The following LGR4 variants were observed in gnomAD, a reference collection of about 807,000 sequenced individuals.
The protein encoded by LGR4 is leucine-rich repeat-containing G protein-coupled receptor 4.
LGR4 carries 44 observed loss-of-function variants against 84.8 expected under a neutral mutation model. The ratio of observed to expected loss-of-function variants is 0.52; its 90% CI spans 0.41 to 0.67. The LOEUF is 0.67. Among genes scored for constraint, LGR4 ranks in the 30% least tolerant of loss-of-function variants. LGR4 has a pLI of 0.00. For synonymous variants in LGR4, 429 were observed against 434.3 expected (o/e 0.99, Z 0.15); for missense variants, 1,032 against 1,131.4 (o/e 0.91, Z 1.26).
At chr11:27,375,507 T>C (rs1013719067) in intron 13 of LGR4, among the ~76,000 whole-genome samples, 14 of 152,158 alleles carry the variant, frequency 9.2e-5, no homozygotes, top group Non-Finnish European at 1.3e-4. Context: ...ATGAACTCTA[T>C]TTGTCATGAT....
At chr11:27,381,180 A>G (rs77704584) in intron 7 of LGR4, among the ~76,000 whole-genome samples, 5,977 of 152,236 alleles carry the variant, frequency 0.039, 153 homozygotes, top group Middle Eastern at 0.082. Context: ...CTTGGTATCT[A>G]TCAGATCCCT....
At chr11:27,380,484 C>T in intron 9 of LGR4, 145 bp from the exon 10 acceptor site, 1 of 723,614 alleles carries the variant, frequency 1.4e-6, no homozygotes, top group Non-Finnish European at 2.3e-6. Context: ...GATAATGTGG[C>T]AAAGTATTCA....
chr11:27,408,286 C>T (rs1054800352), intron 2 of LGR4, among the ~76,000 whole-genome samples: 1 of 152,110 alleles, frequency 6.6e-6, no homozygotes, highest in Non-Finnish European at 1.5e-5. Context: ...AACAAAATGA[C>T]AGGTAATCTT....
chr11:27,392,286 G>A (rs976807242), intron 3 of LGR4, among the ~76,000 whole-genome samples, 161 bp downstream of exon 3: 12 of 152,042 alleles, frequency 7.9e-5, no homozygotes, highest in African/African-American at 2.9e-4. Flanking sequence ...ATGCAGGGTT[G>A]CCTAAATCAA....
intron 2 of LGR4, among the ~76,000 whole-genome samples, chr11:27,395,458 A>G (rs954529196): frequency 6.6e-6 from 1 of 152,196 alleles, no homozygotes; most frequent in Non-Finnish European, 1.5e-5. Flanking sequence ...ATTAGCCAAA[A>G]TATTTGCTTC....
intron 1 of LGR4, among the ~76,000 whole-genome samples, chr11:27,454,518 G>A (rs1864537933): frequency 1.3e-5 from 2 of 152,268 alleles, no homozygotes; most frequent in South Asian, 4.1e-4. Context: ...CCAGCACTTT[G>A]GGAGGCCAAG....
chr11:27,419,215 CAAT>C (rs1863877927), intron 1 of LGR4, among the ~76,000 whole-genome samples: 1 of 151,874 alleles, frequency 6.6e-6, no homozygotes, highest in Non-Finnish European at 1.5e-5. Context: ...CTCTTATAAT[CAAT>C]AATAAGAAAA....
intron 1 of LGR4, among the ~76,000 whole-genome samples, chr11:27,426,025 T>C (rs979612408): frequency 6.6e-6 from 1 of 152,218 alleles, no homozygotes; most frequent in Non-Finnish European, 1.5e-5. Flanking sequence ...TGCCAGACAT[T>C]GCATTAAATG....
intron 17 of LGR4, among the ~76,000 whole-genome samples, chr11:27,369,545 A>G (rs1406206576): frequency 1.3e-5 from 2 of 152,170 alleles, no homozygotes; most frequent in Non-Finnish European, 2.9e-5. Flanking sequence ...TAAGAAAGCA[A>G]CTTAAAATTG....
Position 27,366,673 on chromosome 11 carries a change from T to A in LGR4, c.*1194A>T, listed in dbSNP as rs1862771141. 1 of 152,548 alleles carries A rather than the reference T, an allele frequency of 6.6e-6. No homozygotes were observed. Among genetic ancestry groups the A allele is most frequent in the South Asian group, 2.1e-4 (1 of 4,832 alleles). The allele number at this position is 152,548 out of a possible 1,614,324, so 9.4% of individuals were successfully genotyped here. A position where few individuals can be genotyped will look rare whatever the true frequency, so the allele number is the denominator to read the frequency against. On this transcript the variant is annotated 3_prime_UTR_variant, in exon 18 of 18. Transcript: ENST00000379214. ...CCCATAGATGGGAATCAAGTAAAATTTTTAATTTTTAAAGACACAGGACTA... is the reference window on the plus strand; with the variant it reads ...CCCATAGATGGGAATCAAGTAAAATATTTAATTTTTAAAGACACAGGACTA...
intron 1 of LGR4, among the ~76,000 whole-genome samples, chr11:27,443,309 G>A (rs545290843): frequency 3.9e-5 from 6 of 152,146 alleles, no homozygotes; most frequent in Non-Finnish European, 7.3e-5. Context: ...ACCACTGCAC[G>A]ATGGGAAATT....
At chr11:27,373,513 A>G (rs1862922721) in intron 15 of LGR4, 38 bp downstream of exon 15, 2 of 1,506,160 alleles carry the variant, frequency 1.3e-6, no homozygotes, top group African/African-American at 1.4e-5. Flanking sequence ...GGAGCCTACC[A>G]TAACTTCAAC....
intron 1 of LGR4, among the ~76,000 whole-genome samples, chr11:27,429,024 A>C (rs1864071701): frequency 6.6e-6 from 1 of 152,180 alleles, no homozygotes. Flanking sequence ...GGGAGTTGTA[A>C]CTTCAAGCCT....
At chr11:27,441,176 T>C (rs1313397736) in intron 1 of LGR4, among the ~76,000 whole-genome samples, 1 of 152,190 alleles carries the variant, frequency 6.6e-6, no homozygotes, top group Admixed American at 6.5e-5. Context: ...GGGGATCATG[T>C]AGCCAAGTAT....
At chr11:27,406,108 T>C (rs759823569) in intron 2 of LGR4, among the ~76,000 whole-genome samples, 3 of 152,196 alleles carry the variant, frequency 2.0e-5, no homozygotes, top group Non-Finnish European at 2.9e-5. Flanking sequence ...TCTTTGCTCA[T>C]GCTCCTCTGC....
chr11:27,381,616 A>G (rs1228426053), intron 7 of LGR4, among the ~76,000 whole-genome samples: 3 of 152,206 alleles, frequency 2.0e-5, no homozygotes, highest in Admixed American at 2.0e-4. Flanking sequence ...TGGGAGGTCA[A>G]GGCTGCAGTG....
chr11:27,403,271 G>A (rs1863538383), intron 2 of LGR4, among the ~76,000 whole-genome samples: 1 of 152,182 alleles, frequency 6.6e-6, no homozygotes, highest in African/African-American at 2.4e-5. Flanking sequence ...AGGAGTTAGA[G>A]ACCAGCCAGG....
At chr11:27,436,380 A>AGG (rs1864210837) in intron 1 of LGR4, among the ~76,000 whole-genome samples, 1 of 137,768 alleles carries the variant, frequency 7.3e-6, no homozygotes, top group Non-Finnish European at 1.6e-5. Flanking sequence ...AAAGAGAGAG[A>AGG]GAGAGGATGG....
intron 1 of LGR4, 73 bp downstream of exon 1, chr11:27,472,045 G>A: frequency 8.8e-7 from 1 of 1,137,834 alleles, no homozygotes; most frequent in South Asian, 2.7e-5. Context: ...CTGACCCCTG[G>A]CTCCGCCCCG....
Sources: allele counts gnomAD v4.1 joint callset (sites outside exome capture counted in the v4.1 genomes callset), GRCh38; gene constraint gnomAD v4.1.1; transcripts MANE v1.5; gene names NCBI Gene and HGNC (gene_info 2026-07-23, HGNC 2026-07-21).